Variants in SHTN1 observed in about 807,000 individuals in gnomAD.
The protein encoded by SHTN1 is shootin 1, also known as shootin-1.
A neutral mutation model predicts 83.1 loss-of-function variants in SHTN1; 42 were observed. The ratio of observed to expected loss-of-function variants is 0.51; its 90% CI spans 0.39 to 0.65. The LOEUF (loss-of-function observed/expected upper bound fraction) is 0.65. SHTN1 is among the 30% of genes least tolerant of loss of function. The pLI is 0.00. For synonymous variants in SHTN1, 224 were observed against 247.7 expected (o/e 0.90, Z 0.90); for missense variants, 622 against 737.8 (o/e 0.84, Z 1.82).
chr10:116,926,103 A>G (rs1848735140), intron 11 of SHTN1, among the ~76,000 whole-genome samples: 1 of 152,186 alleles, frequency 6.6e-6, no homozygotes, highest in Non-Finnish European at 1.5e-5. Context: ...AAAGAGCCTT[A>G]TAAAAGAGTT....
At chr10:117,100,397 T>C (rs1396502188) in intron 1 of SHTN1, among the ~76,000 whole-genome samples, 1 of 152,198 alleles carries the variant, frequency 6.6e-6, no homozygotes, top group Non-Finnish European at 1.5e-5. Context: ...GCCTAAAATC[T>C]TCACCATCTG....
chr10:117,015,584 G>T (rs1405677862), intron 2 of SHTN1, among the ~76,000 whole-genome samples: 1 of 152,164 alleles, frequency 6.6e-6, no homozygotes, highest in Admixed American at 6.5e-5. Flanking sequence ...GCCTGCCTCA[G>T]CCTCCCAAAG....
Position 116,886,566 on chromosome 10 carries a change from C to A in SHTN1, c.1674G>T (p.Gln558His), listed in dbSNP as rs890364912. ...EGCTSSKVTF[Q>H]PPSSIGCRKK... is the part of the protein sequence containing the mutation. Reference sequence around the variant, plus strand: ...TCCTGCATCCAATGCTACTGGGAGGCCTATGAGATGAAGAGTTAGACAAAA... The same window carrying A: ...TCCTGCATCCAATGCTACTGGGAGGACTATGAGATGAAGAGTTAGACAAAA... Residue 558 changes from glutamine (Q) to histidine (H), a missense_variant and splice_region_variant, in exon 17 of 17, where the codon CAG (glutamine) becomes CAT (histidine). Physicochemically the swap from Gln to His is conservative, Grantham distance 24. Coordinates refer to ENST00000355371, the MANE Select transcript of SHTN1 (RefSeq NM_001127211.3). 6.2e-7 allele frequency: 1 copy of A among 1,613,858 alleles called. No individual in the cohort carries two copies. The highest frequency in any genetic ancestry group is 1.7e-5 in the Admixed American group (1 of 60,002).
chr10:116,900,510 A>C, intron 16 of SHTN1: 1 of 1,502,030 alleles, frequency 6.7e-7, no homozygotes, highest in East Asian at 2.5e-5. Context: ...AAAAGGAGGA[A>C]GGAGTTGCAG....
At chr10:117,004,719 G>C (rs1824222620) in intron 1 of SHTN1, among the ~76,000 whole-genome samples, 1 of 152,134 alleles carries the variant, frequency 6.6e-6, no homozygotes, top group Admixed American at 6.5e-5. Context: ...GTGCAACCTC[G>C]TCCGCACTGA....
At chr10:116,956,362 A>G (rs556675085) in intron 4 of SHTN1, among the ~76,000 whole-genome samples, 59 of 152,334 alleles carry the variant, frequency 3.9e-4, no homozygotes, top group Non-Finnish European at 7.1e-4. Flanking sequence ...CTCTGCCTCT[A>G]CAACTAACCT....
intron 1 of SHTN1, among the ~76,000 whole-genome samples, chr10:117,091,950 T>TAATAA: frequency 6.6e-6 from 1 of 152,338 alleles, no homozygotes. Context: ...GACTGCCATG[T>TAATAA]GTCAAGTGAT....
At chr10:116,986,990 G>C (rs1039894008) in intron 1 of SHTN1, among the ~76,000 whole-genome samples, 4 of 152,004 alleles carry the variant, frequency 2.6e-5, no homozygotes, top group African/African-American at 9.7e-5. Context: ...GCCTCCTAAA[G>C]TGCTGGGATT....
chr10:116,983,633 CAGATAGATAGATAGATAGATAGATAGAT>C (rs145452456), intron 1 of SHTN1, among the ~76,000 whole-genome samples: 2 of 142,520 alleles, frequency 1.4e-5, no homozygotes, highest in African/African-American at 5.4e-5. Flanking sequence ...CCTGGGCATC[CAGATAGATAGATAGATAGATAGATAGAT>C]AGATAGATAG....
intron 5 of SHTN1, among the ~76,000 whole-genome samples, chr10:116,952,497 A>G (rs1428028202): frequency 6.6e-6 from 1 of 152,196 alleles, no homozygotes; most frequent in Non-Finnish European, 1.5e-5. Flanking sequence ...ATTTGAACTG[A>G]TTCAAAATAT....
chr10:117,049,705 A>G (rs996437431), intron 1 of SHTN1, among the ~76,000 whole-genome samples: 1 of 152,204 alleles, frequency 6.6e-6, no homozygotes, highest in Non-Finnish European at 1.5e-5. Flanking sequence ...TCTAGAAACC[A>G]TGATTTAAGA....
chr10:117,121,793 G>A (rs1589941113), intron 1 of SHTN1, among the ~76,000 whole-genome samples: 1 of 152,244 alleles, frequency 6.6e-6, no homozygotes, highest in African/African-American at 2.4e-5. Flanking sequence ...AGCACTTTGG[G>A]AGGCCAAGGC....
intron 11 of SHTN1, among the ~76,000 whole-genome samples, chr10:116,924,139 T>C (rs1848654768): frequency 6.6e-6 from 1 of 152,202 alleles, no homozygotes; most frequent in Non-Finnish European, 1.5e-5. Flanking sequence ...CACAGAACTT[T>C]GAAATAAGCA....
intron 1 of SHTN1, among the ~76,000 whole-genome samples, chr10:116,981,090 G>A (rs942188615): frequency 6.6e-6 from 1 of 152,110 alleles, no homozygotes; most frequent in Non-Finnish European, 1.5e-5. Flanking sequence ...AGGCCGAGGT[G>A]GGCAGATCAC....
chr10:117,008,836 G>C (rs938310395), upstream of SHTN1, among the ~76,000 whole-genome samples: 1 of 152,216 alleles, frequency 6.6e-6, no homozygotes, highest in African/African-American at 2.4e-5. Context: ...AGAATTGGCC[G>C]GGCGCTGTGG....
chr10:117,106,053 T>G (rs1311658692), intron 1 of SHTN1, among the ~76,000 whole-genome samples: 11 of 151,586 alleles, frequency 7.3e-5, no homozygotes, highest in Admixed American at 7.2e-4. Context: ...AAAGTTGGAG[T>G]GAGCCGAGGT....
In SHTN1 at chr10:116,956,302, A is replaced by C. The variant is rs535881658; in HGVS notation, c.268-2092T>G. Among the ~76,000 whole-genome samples, 32 of 152,280 alleles carry C rather than the reference A, an allele frequency of 2.1e-4. No homozygotes were observed. In the South Asian group the frequency reaches 6.2e-3, roughly 30 times the overall value. ...ATCAACACTAAGAATCATTGATGTA[A>C]AGAAACGCATTGCTTTAGTATACAA... On this transcript the variant is annotated intron_variant, in intron 4 of 16. Coordinates refer to ENST00000355371, the MANE Select transcript of SHTN1 (RefSeq NM_001127211.3).
rs1449165622 is a variant in SHTN1 at position 117,086,243 on chromosome 10, A to T, written c.-188-37733T>A. Reference sequence around the variant, plus strand: ...TGAGCCACCGCGCCCGGCCGTCTGAAATTAATATAGCTATGCCAACTTTCT... The same window carrying T: ...TGAGCCACCGCGCCCGGCCGTCTGATATTAATATAGCTATGCCAACTTTCT... On this transcript the variant is annotated intron_variant, in intron 1 of 17. Coordinates refer to the SHTN1 transcript ENST00000392901. Among the ~76,000 whole-genome samples the T allele has an allele frequency of 2.6e-5, 4 of 152,156 alleles. No individual in the cohort carries two copies. The East Asian group carries it at 7.7e-4, about 29-fold the overall frequency.
At chr10:117,106,129 A>T (rs534735607) in intron 1 of SHTN1, among the ~76,000 whole-genome samples, 14 of 152,044 alleles carry the variant, frequency 9.2e-5, no homozygotes, top group African/African-American at 3.1e-4. Context: ...AAAGATAAAA[A>T]AAAGATACCA....
Sources: gnomAD v4.1 joint callset for allele counts (sites outside exome capture counted in the v4.1 genomes callset) on GRCh38, gnomAD v4.1.1 for gene constraint, MANE v1.5 for transcripts, NCBI Gene and HGNC (gene_info 2026-07-23, HGNC 2026-07-21) for gene names.